TACC2: variants seen among roughly 807,000 people sequenced by gnomAD.
The protein encoded by TACC2 is transforming acidic coiled-coil containing protein 2.
In TACC2, 137 loss-of-function variants were observed where a neutral mutation model predicts 227.3. That is an observed-to-expected ratio of 0.60 (90% CI 0.52 to 0.69). The LOEUF (loss-of-function observed/expected upper bound fraction) is 0.69. Ranked by LOEUF, TACC2 falls within the 30% of genes least tolerant of loss-of-function variation. TACC2 has a pLI of 0.00. For missense variants in TACC2, 3,470 were observed against 3,694.4 expected (o/e 0.94, Z 1.57); for synonymous variants, 1,523 against 1,487.5 (o/e 1.02, Z -0.55).
At chr10:122,199,654 GA>G (rs1330171371) in intron 8 of TACC2, among the ~76,000 whole-genome samples, 1 of 152,142 alleles carries the variant, frequency 6.6e-6, no homozygotes, top group Non-Finnish European at 1.5e-5. Flanking sequence ...ACCCACACAA[GA>G]ATTCCCTATG....
chr10:122,210,705 T>C lies in TACC2; in HGVS notation c.6280T>C (p.Phe2094Leu). 4.3e-6 allele frequency: 7 copies of C among 1,614,026 alleles called. No individual in the cohort carries two copies. Among genetic ancestry groups the C allele is most frequent in the Non-Finnish European group, 5.9e-6 (7 of 1,180,002 alleles). Residue 2094 changes from phenylalanine (F) to leucine (L), a missense_variant, in exon 9 of 23, where the codon TTT becomes CTT. Phe to Leu is a conservative substitution (Grantham distance 22). Transcript: ENST00000369005. This position sits in a 1 kb window ranked among gnomAD's most constrained non-coding sequence, Gnocchi z 4.6. Reference protein sequence around the residue: ...SRSLSLQASDFDGASSSGNPE... With the variant: ...SRSLSLQASDLDGASSSGNPE... ...GTCGCTCAGCCTGCAAGCCAGTGAC[T>C]TTGATGGTGCTTCTTCCTCAGGCAA...
intron 10 of TACC2, 37 bp downstream of exon 10, chr10:122,215,488 C>A: frequency 6.3e-7 from 1 of 1,580,934 alleles, no homozygotes; most frequent in Non-Finnish European, 8.7e-7. Context: ...TTTTATGCCC[C>A]CCCCGGGGGA....
At position 122,209,248 on chromosome 10, in the gene TACC2, C is replaced by G. The variant is rs2140995415; in HGVS notation, c.5972-1149C>G. Among the ~76,000 whole-genome samples the G allele has an allele frequency of 6.6e-6, 1 of 152,312 alleles. No homozygotes were observed. The highest frequency in any genetic ancestry group is 1.5e-5 in the Non-Finnish European group (1 of 68,022). On this transcript the variant is annotated intron_variant, in intron 8 of 22. Coordinates refer to ENST00000369005, the MANE Select transcript of TACC2 (RefSeq NM_206862.4). The surrounding 1 kb of genome is among the most constrained non-coding windows in gnomAD (Gnocchi z 4.5). ...GATGGCTGGAGCGGCAGGTGGCAGA[C>G]AGCAAGTGCTACTACAGGTGCCGGG...
At position 122,210,314 on chromosome 10, in the gene TACC2, G is replaced by C. The variant is rs1244449092; in HGVS notation, c.5972-83G>C. The stretch of plus-strand genomic sequence containing the variant: ...CCGTGGTTTGTCAACCCCTACGCTG[G>C]AGGGTGATGTTTTGGTACAAGAGGA... On this transcript the variant is annotated intron_variant, in intron 8 of 22. Coordinates refer to ENST00000369005, the MANE Select transcript of TACC2 (RefSeq NM_206862.4). This position sits in a 1 kb window ranked among gnomAD's most constrained non-coding sequence, Gnocchi z 4.6. The C allele has an allele frequency of 2.9e-5, 32 of 1,122,208 alleles. No homozygotes were observed. The highest frequency in any genetic ancestry group is 4.2e-5 in the Non-Finnish European group (31 of 743,388). 69.5% of individuals were successfully genotyped at this position (1,122,208 alleles called of 1,614,324 possible). A position where few individuals can be genotyped will look rare whatever the true frequency, so the allele number is the denominator to read the frequency against.
At position 122,224,735 on chromosome 10, in the gene TACC2, A is replaced by G; in HGVS notation, c.7556A>G (p.Tyr2519Cys). 1 of 1,614,016 alleles carries G rather than the reference A, an allele frequency of 6.2e-7. No individual in the cohort carries two copies. The highest frequency in any genetic ancestry group is 1.3e-5 in the African/African-American group (1 of 74,994). ...GTTTTTGTTTTTGCAGAGTTGGATT[A>G]CAGAAACTCCTATGAAATTGAATAT... ...KFSSPTEELD[Y>C]RNSYEIEYME... Residue 2519 changes from tyrosine (Y) to cysteine (C), a missense_variant, in exon 12 of 23, where the codon TAC (tyrosine) becomes TGC (cysteine). Tyr to Cys is a radical substitution (Grantham distance 194, BLOSUM62 -2). Transcript: ENST00000369005.
chr10:121,990,450 T>G (rs534268505), intron 1 of TACC2, among the ~76,000 whole-genome samples: 115 of 152,198 alleles, frequency 7.6e-4, no homozygotes, highest in African/African-American at 2.3e-3. Flanking sequence ...AGGAAAGGTT[T>G]TGCTTTCGTT....
intron 3 of TACC2, among the ~76,000 whole-genome samples, chr10:122,082,248 C>T (rs1048105739): frequency 6.6e-6 from 1 of 152,198 alleles, no homozygotes; most frequent in Non-Finnish European, 1.5e-5. Context: ...GCCTAAGCTG[C>T]AGTAAGCTAT....
chr10:122,134,171 C>CTTT (rs397964719), intron 6 of TACC2, among the ~76,000 whole-genome samples: 6 of 141,330 alleles, frequency 4.2e-5, no homozygotes, highest in African/African-American at 1.3e-4. Flanking sequence ...AGCCATAGTT[C>CTTT]TTTTTTTTTT....
At chr10:122,031,253 T>A (rs1958914818) in intron 2 of TACC2, among the ~76,000 whole-genome samples, 1 of 152,124 alleles carries the variant, frequency 6.6e-6, no homozygotes, top group Non-Finnish European at 1.5e-5. Context: ...ATTCAAAAGA[T>A]GGCTCTGGGG....
chr10:122,058,027 C>G (rs1379372349), intron 3 of TACC2, among the ~76,000 whole-genome samples: 4 of 152,196 alleles, frequency 2.6e-5, no homozygotes, highest in Non-Finnish European at 4.4e-5. Context: ...TTCCACACAA[C>G]AACTGACCAG....
chr10:122,183,945 C>G (rs1565535909), intron 7 of TACC2, among the ~76,000 whole-genome samples: 1 of 152,180 alleles, frequency 6.6e-6, no homozygotes, highest in Non-Finnish European at 1.5e-5. Context: ...GTCTGGTTCA[C>G]CAGCCCAGGT....
At chr10:122,090,889 G>A (rs941851400) in intron 5 of TACC2, among the ~76,000 whole-genome samples, 2 of 152,108 alleles carry the variant, frequency 1.3e-5, no homozygotes, top group African/African-American at 4.8e-5. Flanking sequence ...CTACAGGTGT[G>A]CACCACCATG....
At chr10:122,144,236 G>T (rs2091075937) in intron 7 of TACC2, among the ~76,000 whole-genome samples, 1 of 152,078 alleles carries the variant, frequency 6.6e-6, no homozygotes, top group Admixed American at 6.6e-5. Context: ...ATTATAGGAG[G>T]TAATCAGCTT....
intron 7 of TACC2, among the ~76,000 whole-genome samples, chr10:122,178,161 T>C (rs1400237127): frequency 6.6e-6 from 1 of 152,280 alleles, no homozygotes; most frequent in East Asian, 1.9e-4. Flanking sequence ...CATAGCACCT[T>C]CTTGCTGTGT....
Position 122,087,109 on chromosome 10 carries a change from G to C in TACC2, c.4609G>C (p.Ala1537Pro). 6.2e-7 allele frequency: 1 copy of C among 1,609,382 alleles called. No individual in the cohort carries two copies. Among genetic ancestry groups the C allele is most frequent in the African/African-American group, 1.3e-5 (1 of 74,816 alleles). ...EDERPEGPGA[A>P]WPGLEGQAYS... ...CGAGAGGCCAGAGGGGCCTGGGGCAGCCTGGCCAGGCCTGGAAGGCCAGGC... is the reference window on the plus strand; with the variant it reads ...CGAGAGGCCAGAGGGGCCTGGGGCACCCTGGCCAGGCCTGGAAGGCCAGGC... The change falls in exon 4 of 23, where the codon GCC (alanine) becomes CCC (proline). Residue 1537 changes from alanine (A) to proline (P), a missense_variant. Physicochemically the swap from Ala to Pro is conservative, Grantham distance 27. Around this residue, in one of 10 missense-constraint regions of TACC2, gnomAD observed 1,924 missense variants for 1,978.3 expected, o/e 0.97. Coordinates refer to ENST00000369005, the MANE Select transcript of TACC2 (RefSeq NM_206862.4).
chr10:122,244,621 C>T (rs2096070781), intron 19 of TACC2, among the ~76,000 whole-genome samples: 1 of 152,050 alleles, frequency 6.6e-6, no homozygotes, highest in Admixed American at 6.5e-5. Flanking sequence ...GGTAACATGC[C>T]CAGGAGGCCC....
chr10:122,070,494 C>A (rs2077909493), intron 3 of TACC2, among the ~76,000 whole-genome samples: 1 of 152,086 alleles, frequency 6.6e-6, no homozygotes, highest in African/African-American at 2.4e-5. Flanking sequence ...GTGGCTGATG[C>A]CTGTAATCCC....
At chr10:121,997,244 T>C (rs1048130635) in intron 1 of TACC2, among the ~76,000 whole-genome samples, 3 of 152,158 alleles carry the variant, frequency 2.0e-5, no homozygotes, top group African/African-American at 7.2e-5. Context: ...AGTTCTGGGC[T>C]GCAGCAACTT....
intron 11 of TACC2, among the ~76,000 whole-genome samples, chr10:122,224,188 G>A (rs1589719475): frequency 1.3e-5 from 2 of 152,168 alleles, no homozygotes; most frequent in Non-Finnish European, 2.9e-5. Flanking sequence ...GTAGAACCCT[G>A]GGAAAGGCTC....
Sources: allele counts gnomAD v4.1 joint callset (sites outside exome capture counted in the v4.1 genomes callset), GRCh38; gene constraint gnomAD v4.1.1; regional missense constraint gnomAD v4.1.1; non-coding constraint Gnocchi (gnomAD v3.1); transcripts MANE v1.5; gene names NCBI Gene and HGNC (gene_info 2026-07-23, HGNC 2026-07-21).